The following TMEM200A variants were observed in gnomAD, a reference collection of about 807,000 sequenced individuals.
TMEM200A encodes the protein two transmembrane C.
TMEM200A carries 12 observed loss-of-function variants against 24.3 expected under a neutral mutation model. That is an observed-to-expected ratio of 0.49 (90% confidence interval 0.32 to 0.80). The LOEUF is 0.80. Among genes scored for constraint, TMEM200A ranks in the 30% least tolerant of loss-of-function variants. The pLI, the probability that TMEM200A is intolerant of heterozygous loss-of-function variation, is 0.04. For synonymous variants in TMEM200A, 224 were observed against 224.4 expected, an observed-to-expected ratio of 1.00 and a Z score of 0.02; for missense variants, 545 against 614.4, an observed-to-expected ratio of 0.89 and a Z score of 1.19.
intron 2 of TMEM200A, among the ~76,000 whole-genome samples, chr6:130,403,419 T>C (rs1282807210): frequency 6.6e-6 from 1 of 152,124 alleles, no homozygotes; most frequent in Admixed American, 6.6e-5. Context: ...CCAGAATTAG[T>C]TCTTTTTTAA....
intron 1 of TMEM200A, among the ~76,000 whole-genome samples, chr6:130,368,575 C>G (rs1778238216): frequency 1.3e-5 from 2 of 152,236 alleles, no homozygotes; most frequent in Middle Eastern, 3.4e-3. Flanking sequence ...CCTGGACTTA[C>G]GCTATGTTTT....
At chr6:130,373,344 AAGTC>A (rs1370160257) in intron 1 of TMEM200A, among the ~76,000 whole-genome samples, 1 of 152,208 alleles carries the variant, frequency 6.6e-6, no homozygotes, top group East Asian at 1.9e-4. Flanking sequence ...TAAGTATAAA[AAGTC>A]AGGGAGAAAA....
chr6:130,366,984 C>T lies in TMEM200A; in HGVS notation c.-81+460C>T, dbSNP rs115596433. ...TCAGCACTACTCTTCTCCCTGTAGT[C>T]TTGTCTGTAAGAGAAAGGACTGAGG... On this transcript the variant is annotated intron_variant, in intron 1 of 2. Transcript: ENST00000296978. The surrounding 1 kb of genome is among the most constrained non-coding windows in gnomAD (Gnocchi z 4.4). 3.3e-3 allele frequency among the ~76,000 whole-genome samples: 505 copies of T among 152,336 alleles called. 5 individuals are homozygous for T. Among genetic ancestry groups the T allele is most frequent in the African/African-American group, 0.012 (486 of 41,574 alleles).
At chr6:130,365,587 G>T (rs1583162112), upstream of TMEM200A, 5 of 985,310 alleles carry the variant, frequency 5.1e-6, no homozygotes, top group East Asian at 4.5e-4. Context: ...CTCCCCAGCC[G>T]CTCCGGAGAA....
At chr6:130,429,885 G>A (rs538921111) in intron 2 of TMEM200A, among the ~76,000 whole-genome samples, 114 of 152,058 alleles carry the variant, frequency 7.5e-4, no homozygotes, top group Admixed American at 1.2e-3. Context: ...TAAAAAAAAC[G>A]TGTATAAATC....
intron 2 of TMEM200A, among the ~76,000 whole-genome samples, chr6:130,424,254 G>A (rs74517968): frequency 0.018 from 2,776 of 152,176 alleles, 23 homozygotes; most frequent in Non-Finnish European, 0.027. Flanking sequence ...TCTGCTTCCT[G>A]GCTGTGTGAC....
At chr6:130,397,842 T>G (rs1388146442) in intron 2 of TMEM200A, among the ~76,000 whole-genome samples, 1 of 151,402 alleles carries the variant, frequency 6.6e-6, no homozygotes, top group East Asian at 1.9e-4. Context: ...ATTTTTATAA[T>G]AATCATATCC....
chr6:130,429,648 C>T (rs2115205248), intron 2 of TMEM200A, among the ~76,000 whole-genome samples: 1 of 152,126 alleles, frequency 6.6e-6, no homozygotes, highest in Admixed American at 6.5e-5. Context: ...GGAATTAAAC[C>T]ATAAAATTAC....
chr6:130,418,939 G>A (rs975109160), intron 2 of TMEM200A, among the ~76,000 whole-genome samples: 1 of 152,022 alleles, frequency 6.6e-6, no homozygotes, highest in Non-Finnish European at 1.5e-5. Flanking sequence ...CTCTCTTCTA[G>A]CTATTTTGAA....
At chr6:130,407,842 T>C (rs1779240557) in intron 2 of TMEM200A, among the ~76,000 whole-genome samples, 1 of 152,246 alleles carries the variant, frequency 6.6e-6, no homozygotes, top group Admixed American at 6.5e-5. Flanking sequence ...TCCTTAGAAG[T>C]AGATTTAAGA....
chr6:130,433,381 G>A (rs1330351013), intron 2 of TMEM200A, among the ~76,000 whole-genome samples: 4 of 152,018 alleles, frequency 2.6e-5, no homozygotes, highest in Admixed American at 6.6e-5. Context: ...CAGGTGATCC[G>A]CCTGCCTCGG....
At chr6:130,409,798 A>G (rs1194440411) in intron 2 of TMEM200A, among the ~76,000 whole-genome samples, 1 of 151,952 alleles carries the variant, frequency 6.6e-6, no homozygotes, top group Non-Finnish European at 1.5e-5. Flanking sequence ...CTATGGAATA[A>G]TATGGCCTTA....
rs1220187923 is a variant in TMEM200A at position 130,441,581 on chromosome 6, T to G, written c.1159T>G (p.Ser387Ala). The G allele has an allele frequency of 6.2e-7, 1 of 1,614,046 alleles. No individual in the cohort carries two copies. The highest frequency in any genetic ancestry group is 1.1e-5 in the South Asian group (1 of 91,076). ...CAGAAGACAGTTTGGGTCCAATACA[T>G]CCTTGCATTTGCTCTCGTCACACTC... ...AARRQFGSNT[S>A]LHLLSSHSKS... The change falls in exon 3 of 3, where the codon TCC (serine) becomes GCC (alanine). Residue 387 changes from serine to alanine, a missense_variant. Transcript: ENST00000296978.
chr6:130,388,608 T>C (rs907181345), intron 2 of TMEM200A, among the ~76,000 whole-genome samples: 4 of 152,260 alleles, frequency 2.6e-5, no homozygotes, highest in Admixed American at 1.3e-4. Flanking sequence ...GTTCTTTTGC[T>C]GAGTGGCATA....
intron 2 of TMEM200A, among the ~76,000 whole-genome samples, 200 bp downstream of exon 2, chr6:130,385,436 C>T (rs980008607): frequency 3.9e-5 from 6 of 152,150 alleles, no homozygotes; most frequent in African/African-American, 1.4e-4. Context: ...AAGTTCCTTG[C>T]AATAAGCATT....
intron 1 of TMEM200A, among the ~76,000 whole-genome samples, chr6:130,381,726 G>C (rs1778601999): frequency 6.6e-6 from 1 of 152,202 alleles, no homozygotes; most frequent in South Asian, 2.1e-4. Flanking sequence ...TGTTGTTGTT[G>C]TTGTTGAGAT....
intron 1 of TMEM200A, among the ~76,000 whole-genome samples, chr6:130,374,228 G>A (rs1175469595): frequency 6.6e-6 from 1 of 152,110 alleles, no homozygotes; most frequent in Non-Finnish European, 1.5e-5. Flanking sequence ...CGCCTCTGTA[G>A]CCTTGGATAT....
intron 2 of TMEM200A, among the ~76,000 whole-genome samples, chr6:130,402,674 G>A (rs767448163): frequency 6.6e-6 from 1 of 152,034 alleles, no homozygotes; most frequent in Non-Finnish European, 1.5e-5. Flanking sequence ...AATATAATGT[G>A]TGCAGTTTAA....
At chr6:130,365,867 C>G, upstream of TMEM200A, 16 of 985,648 alleles carry the variant, frequency 1.6e-5, no homozygotes, top group Non-Finnish European at 1.9e-5. Flanking sequence ...GGTGGCAGGA[C>G]TGGGGTTTCC....
Sources: gnomAD v4.1 joint callset for allele counts (sites outside exome capture counted in the v4.1 genomes callset) on GRCh38, gnomAD v4.1.1 for gene constraint, Gnocchi (gnomAD v3.1) non-coding constraint, MANE v1.5 for transcripts, NCBI Gene and HGNC (gene_info 2026-07-23, HGNC 2026-07-21) for gene names.